ZDHHC19: variants seen among roughly 807,000 people sequenced by gnomAD.
ZDHHC19 encodes the protein zDHHC palmitoyltransferase 19.
Under a neutral mutation model 33.9 loss-of-function variants are expected in ZDHHC19, and 30 were observed. The ratio of observed to expected loss-of-function variants is 0.88; its 90% CI spans 0.66 to 1.20. ZDHHC19 has a LOEUF of 1.20. Among genes scored for constraint, ZDHHC19 ranks in the 50% most tolerant of loss-of-function variants. The probability of loss-of-function intolerance (pLI) is 0.00; values close to 1 mark genes in which losing one functional copy is unlikely to be tolerated. For missense variants in ZDHHC19, 364 were observed against 401.1 expected, an observed-to-expected ratio of 0.91 and a Z score of 0.79; for synonymous variants, 178 against 167.6, an observed-to-expected ratio of 1.06 and a Z score of -0.48.
At chr3:196,198,139 A>T in intron 7 of ZDHHC19, 137 bp downstream of exon 7, 2 of 844,760 alleles carry the variant, frequency 2.4e-6, no homozygotes, top group Non-Finnish European at 1.6e-6. Context: ...CCAGTGTAGA[A>T]CCCTCCTCCC....
chr3:196,210,777 C>T (rs1560143777), intron 1 of ZDHHC19, 40 bp from the exon 2 acceptor site: 1 of 1,602,756 alleles, frequency 6.2e-7, no homozygotes, highest in East Asian at 2.2e-5. Flanking sequence ...CAGGGGCAGC[C>T]CAAAGCCCCC....
intron 3 of ZDHHC19, chr3:196,208,767 C>A: frequency 1.7e-6 from 1 of 593,802 alleles, no homozygotes; most frequent in Non-Finnish European, 3.0e-6. Flanking sequence ...CTGGTATATA[C>A]GGTCACCTGT....
At chr3:196,211,019 C>T (rs768330053) in intron 1 of ZDHHC19, 151 bp downstream of exon 1, 60 of 1,350,782 alleles carry the variant, frequency 4.4e-5, no homozygotes, top group Non-Finnish European at 6.1e-5. Flanking sequence ...TTGACCTCTG[C>T]ACCTTTGCAC....
chr3:196,210,135 G>A (rs922146826), intron 2 of ZDHHC19, among the ~76,000 whole-genome samples: 22 of 152,060 alleles, frequency 1.4e-4, no homozygotes, highest in African/African-American at 5.3e-4. Context: ...AGCTTGCAGT[G>A]AGCGGAGATT....
chr3:196,198,199 T>A, intron 7 of ZDHHC19, 77 bp downstream of exon 7: 1 of 1,318,944 alleles, frequency 7.6e-7, no homozygotes. Context: ...CTCAGGGGCC[T>A]CCCCCCACAC....
chr3:196,200,636 G>A lies in ZDHHC19; in HGVS notation c.688-1762C>T, dbSNP rs566953898. Among the ~76,000 whole-genome samples, 25 of 146,980 alleles carry A rather than the reference G, an allele frequency of 1.7e-4. 1 individual carries two copies. The highest frequency in any genetic ancestry group is 6.3e-4 in the African/African-American group (25 of 39,542). On this transcript the variant is annotated intron_variant, in intron 5 of 7. Coordinates refer to ENST00000296326, the MANE Select transcript of ZDHHC19 (RefSeq NM_001039617.2). ...CCCAAAGTGCTGGGATTACAAGCGT[G>A]AGCCACCACGCCTGGCCTTTTTTTT...
chr3:196,210,864 C>T (rs1256032766), intron 1 of ZDHHC19, 127 bp from the exon 2 acceptor site: 5 of 1,391,596 alleles, frequency 3.6e-6, no homozygotes, highest in East Asian at 2.5e-5. Flanking sequence ...GCTCCAAATA[C>T]CCAGGCAGAC....
intron 4 of ZDHHC19, among the ~76,000 whole-genome samples, chr3:196,208,078 A>AT (rs138310339): frequency 1.3e-5 from 2 of 150,658 alleles, no homozygotes; most frequent in Middle Eastern, 3.2e-3. Flanking sequence ...TAATTTTTCT[A>AT]TTTTTTTGTA....
rs1405832623 is a variant in ZDHHC19 at position 196,203,903 on chromosome 3, G to A, written c.687+3495C>T. Among the ~76,000 whole-genome samples the A allele has an allele frequency of 6.6e-6, 1 of 152,128 alleles. No homozygotes were observed. The highest frequency in any genetic ancestry group is 1.5e-5 in the Non-Finnish European group (1 of 68,012). On this transcript the variant is annotated intron_variant, in intron 5 of 7. Transcript: ENST00000296326. This position sits in a 1 kb window ranked among gnomAD's most constrained non-coding sequence, Gnocchi z 4.3. The stretch of plus-strand genomic sequence containing the variant: ...GGTGGTGGGCAGAGAGGGCGCCTGT[G>A]TCCTTCCAGCTGTCTGATACCTGCA...
intron 3 of ZDHHC19, 63 bp from the exon 4 acceptor site, chr3:196,208,623 C>A (rs1722976989): frequency 1.3e-6 from 2 of 1,563,346 alleles, no homozygotes; most frequent in Admixed American, 1.9e-5. Context: ...TCCATCACCC[C>A]AAATCCTGAG....
Position 196,207,404 on chromosome 3 carries a change from C to A in ZDHHC19, c.681G>T (p.Lys227Asn). The change falls in exon 5 of 8, where the codon AAG (lysine) becomes AAT (asparagine). Residue 227 changes from lysine (K) to asparagine (N), a missense_variant. By Grantham distance (94) the Lys-to-Asn change is moderately conservative. Transcript: ENST00000296326. ...LSVSSADRTY[K>N]GKCRHLQGYN... ...CACCCGCGGCCCCGCGTACCTTGCC[C>A]TTGTAGGTGCGGTCGGCCGAGCTCA... is the stretch of plus-strand genomic sequence containing the variant. 1 of 1,561,062 alleles carries A rather than the reference C, an allele frequency of 6.4e-7. No homozygotes were observed. Among genetic ancestry groups the A allele is most frequent in the Non-Finnish European group, 8.7e-7 (1 of 1,153,622 alleles).
chr3:196,201,136 G>A (rs768240250), intron 5 of ZDHHC19, among the ~76,000 whole-genome samples: 7 of 151,520 alleles, frequency 4.6e-5, no homozygotes, highest in Non-Finnish European at 8.8e-5. Flanking sequence ...GCAGTGGCAC[G>A]ATCTTGGCTC....
chr3:196,206,218 A>T (rs904285278), intron 5 of ZDHHC19, among the ~76,000 whole-genome samples: 2 of 150,956 alleles, frequency 1.3e-5, no homozygotes, highest in East Asian at 2.0e-4. Context: ...CACCTGGCTA[A>T]TTTTTGTATT....
rs772264596 is a variant in ZDHHC19 at position 196,198,352 on chromosome 3, G to C, written c.873C>G (p.Pro291=). 31 of 1,521,328 alleles carry C rather than the reference G, an allele frequency of 2.0e-5. No homozygotes were observed. Among genetic ancestry groups the C allele is most frequent in the South Asian group, 2.6e-5 (2 of 76,082 alleles). The allele number at this position is 1,521,328 out of a possible 1,614,324, so 94.2% of individuals were successfully genotyped here. A position where few individuals can be genotyped will look rare whatever the true frequency, so the allele number is the denominator to read the frequency against. ...HPPMSPSALN[P]PAPTSGSLQS... is the part of the protein sequence containing the mutation. Reference sequence around the variant, plus strand: ...GTAGGGACCCAGAGGTTGGGGCTGGGGGGTTGAGAGCAGAGGGGGACATTG... The same window carrying C: ...GTAGGGACCCAGAGGTTGGGGCTGGCGGGTTGAGAGCAGAGGGGGACATTG... Residue 291 remains proline, a synonymous_variant, in exon 7 of 8, where the codon CCC becomes CCG. Coordinates refer to ENST00000296326, the MANE Select transcript of ZDHHC19 (RefSeq NM_001039617.2).
Position 196,207,411 on chromosome 3 carries a change from G to A in ZDHHC19, c.674C>T (p.Thr225Ile), listed in dbSNP as rs1273270989. The stretch of plus-strand genomic sequence containing the variant: ...GGCCCCGCGTACCTTGCCCTTGTAG[G>A]TGCGGTCGGCCGAGCTCACGGACAG... ...QALSVSSADRTYKGKCRHLQG... is the reference protein window; with the variant it reads ...QALSVSSADRIYKGKCRHLQG... The change falls in exon 5 of 8, where the codon ACC becomes ATC. Residue 225 changes from threonine (T) to isoleucine (I), a missense_variant. Transcript: ENST00000296326. 2 of 1,564,348 alleles carry A rather than the reference G, an allele frequency of 1.3e-6. No homozygotes were observed. Among genetic ancestry groups the A allele is most frequent in the Non-Finnish European group, 1.7e-6 (2 of 1,155,548 alleles).
intron 7 of ZDHHC19, 150 bp downstream of exon 7, chr3:196,198,126 C>G: frequency 1.4e-6 from 1 of 707,690 alleles, no homozygotes; most frequent in Non-Finnish European, 2.0e-6. Context: ...TTCCAACGCC[C>G]CTCCAGTGTA....
rs13096121 is a variant in ZDHHC19 at position 196,210,421 on chromosome 3, G to T, written c.268+195C>A. ...AAAGAGGGAGAGAGAGAGGAAGGAAGGAAAGAAAGAAAGAGAAAGAAAGAA... is the reference window on the plus strand; with the variant it reads ...AAAGAGGGAGAGAGAGAGGAAGGAATGAAAGAAAGAAAGAGAAAGAAAGAA... On this transcript the variant is annotated intron_variant, in intron 2 of 7. Coordinates refer to ENST00000296326, the MANE Select transcript of ZDHHC19 (RefSeq NM_001039617.2). 6.0e-5 allele frequency among the ~76,000 whole-genome samples: 8 copies of T among 132,910 alleles called. No homozygotes were observed. In the South Asian group the frequency reaches 2.0e-3, roughly 33 times the overall value. 87.2% of individuals were successfully genotyped at this position (132,910 alleles called of 152,430 possible).
chr3:196,201,635 C>T (rs979565790), intron 5 of ZDHHC19, among the ~76,000 whole-genome samples: 96 of 152,112 alleles, frequency 6.3e-4, no homozygotes, highest in Non-Finnish European at 1.8e-4. Flanking sequence ...GCAGGAGAAT[C>T]GCTTGAACCT....
chr3:196,201,261 C>T (rs933811992), intron 5 of ZDHHC19, among the ~76,000 whole-genome samples: 10 of 151,326 alleles, frequency 6.6e-5, no homozygotes, highest in South Asian at 2.1e-4. Context: ...TTAGTAGAGA[C>T]GGGGTTTCAC....
Sources: allele counts gnomAD v4.1 joint callset (sites outside exome capture counted in the v4.1 genomes callset), GRCh38; gene constraint gnomAD v4.1.1; non-coding constraint Gnocchi (gnomAD v3.1); transcripts MANE v1.5; gene names NCBI Gene and HGNC (gene_info 2026-07-23, HGNC 2026-07-21).